SLC1A2: variants seen among roughly 807,000 people sequenced by gnomAD.
SLC1A2 encodes the protein solute carrier family 1 member 2, also known as excitatory amino acid transporter 2.
A neutral mutation model predicts 48.8 loss-of-function variants in SLC1A2; 15 were observed. The observed-to-expected ratio is 0.31, with a 90% CI of 0.21 to 0.47. The LOEUF is 0.47. Among genes scored for constraint, SLC1A2 ranks in the 20% least tolerant of loss-of-function variants. The probability of loss-of-function intolerance (pLI) is 0.99; values close to 1 mark genes in which losing one functional copy is unlikely to be tolerated. For synonymous variants in SLC1A2, 279 were observed against 272.6 expected (o/e 1.02, Z -0.23); for missense variants, 502 against 730.5 (o/e 0.69, Z 3.61).
intron 1 of SLC1A2, among the ~76,000 whole-genome samples, chr11:35,354,494 A>G (rs2135099428): frequency 6.6e-6 from 1 of 152,198 alleles, no homozygotes; most frequent in South Asian, 2.1e-4. Flanking sequence ...AAAATAAATA[A>G]AAAATCCTGA....
Position 35,263,288 on chromosome 11 carries a change from A to G in SLC1A2, c.1653+2239T>C, listed in dbSNP as rs539323626. On this transcript the variant is annotated intron_variant, in intron 10 of 10. Coordinates refer to ENST00000278379, the MANE Select transcript of SLC1A2 (RefSeq NM_004171.4). ...ACTGACAAGCCTGACCAACATGGAG[A>G]AACCCCATCTCTACTAAAAATACAA... Among the ~76,000 whole-genome samples the G allele has an allele frequency of 1.2e-4, 18 of 152,280 alleles. No homozygotes were observed. The East Asian group carries it at 3.1e-3, about 26-fold the overall frequency.
chr11:35,409,315 A>G (rs1855391005), intron 1 of SLC1A2, among the ~76,000 whole-genome samples: 1 of 152,218 alleles, frequency 6.6e-6, no homozygotes, highest in Non-Finnish European at 1.5e-5. Flanking sequence ...ACTTTTCCCC[A>G]GGTAAGGACT....
intron 1 of SLC1A2, among the ~76,000 whole-genome samples, chr11:35,349,641 G>A (rs1433319961): frequency 6.6e-6 from 1 of 152,162 alleles, no homozygotes; most frequent in Admixed American, 6.5e-5. Flanking sequence ...CCATATCAAA[G>A]ATAAGTATCT....
At chr11:35,349,668 TA>T (rs1357517295) in intron 1 of SLC1A2, among the ~76,000 whole-genome samples, 2 of 152,218 alleles carry the variant, frequency 1.3e-5, no homozygotes, top group South Asian at 4.1e-4. Flanking sequence ...CTCAGGTATA[TA>T]AGAAATCAGG....
rs2134561592 is a variant in SLC1A2 at position 35,254,865 on chromosome 11, G to T, written c.*6029C>A. 1 of 451,468 alleles carries T rather than the reference G, an allele frequency of 2.2e-6. No individual in the cohort carries two copies. Among genetic ancestry groups the T allele is most frequent in the East Asian group, 7.0e-5 (1 of 14,358 alleles). 28.0% of individuals were successfully genotyped at this position (451,468 alleles called of 1,614,324 possible). On this transcript the variant is annotated 3_prime_UTR_variant, in exon 11 of 11. Coordinates refer to ENST00000278379, the MANE Select transcript of SLC1A2 (RefSeq NM_004171.4). ...ATCAAAATGAATATTTGGCCTGGAGGTTGGAAAGTGAAGCAAGGCTGGACA... is the reference window on the plus strand; with the variant it reads ...ATCAAAATGAATATTTGGCCTGGAGTTTGGAAAGTGAAGCAAGGCTGGACA...
intron 7 of SLC1A2, among the ~76,000 whole-genome samples, chr11:35,287,521 A>G (rs1850865872): frequency 6.6e-6 from 1 of 152,234 alleles, no homozygotes; most frequent in South Asian, 2.1e-4. Flanking sequence ...CAAGCAATTC[A>G]CTGGGGAACC....
chr11:35,397,293 A>G (rs1425984173), intron 1 of SLC1A2, among the ~76,000 whole-genome samples: 1 of 146,962 alleles, frequency 6.8e-6, no homozygotes, highest in Non-Finnish European at 1.5e-5. Context: ...ACAAGGCTAC[A>G]GTAACCAAAA....
intron 5 of SLC1A2, among the ~76,000 whole-genome samples, chr11:35,304,007 A>C (rs1234962712): frequency 6.6e-6 from 1 of 152,168 alleles, no homozygotes; most frequent in African/African-American, 2.4e-5. Flanking sequence ...TCAACAGTCT[A>C]ACTTCCCTTG....
intron 1 of SLC1A2, chr11:35,380,366 A>C (rs529427619): frequency 5.0e-6 from 2 of 398,620 alleles, no homozygotes; most frequent in East Asian, 7.1e-5. Flanking sequence ...AGCCCTGGTC[A>C]TTGTGAGCAC....
chr11:35,280,704 G>T, intron 9 of SLC1A2, 163 bp downstream of exon 9: 1 of 527,022 alleles, frequency 1.9e-6, no homozygotes. Context: ...TTTCTTCTTT[G>T]GTTCTCAAAT....
Position 35,399,557 on chromosome 11 carries a change from C to T in SLC1A2, c.17+19393G>A, listed in dbSNP as rs142080302. On this transcript the variant is annotated intron_variant, in intron 1 of 10. Transcript: ENST00000278379. ...GGTGGGTCTTGAGACAAGATAGTTA[C>T]GAACATGAGAATCAAACCTGGTAAT... 133 of 968,756 alleles carry T rather than the reference C, an allele frequency of 1.4e-4. 1 individual carries two copies. The East Asian group carries it at 1.0e-2, about 73-fold the overall frequency. The allele number at this position is 968,756 out of a possible 1,614,324, so 60.0% of individuals were successfully genotyped here. A position where few individuals can be genotyped will look rare whatever the true frequency, so the allele number is the denominator to read the frequency against.
At chr11:35,369,520 A>G (rs1853985353) in intron 1 of SLC1A2, among the ~76,000 whole-genome samples, 3 of 152,230 alleles carry the variant, frequency 2.0e-5, no homozygotes, top group Non-Finnish European at 2.9e-5. Context: ...ATAAAAAGCC[A>G]TGGGGCCTTG....
In SLC1A2 at chr11:35,260,271, T is replaced by G. The variant is rs1950373135; in HGVS notation, c.*623A>C. On this transcript the variant is annotated 3_prime_UTR_variant, in exon 11 of 11. Coordinates refer to ENST00000278379, the MANE Select transcript of SLC1A2 (RefSeq NM_004171.4). ...GGCAGAGATGTAACAGGTTCTTTAA[T>G]CAACTGCCTTTAAGAGCATGGCTCC... 1.3e-5 allele frequency: 2 copies of G among 152,408 alleles called. No individual in the cohort carries two copies. The highest frequency in any genetic ancestry group is 2.9e-5 in the Non-Finnish European group (2 of 68,180). The allele number at this position is 152,408 out of a possible 1,614,324, so 9.4% of individuals were successfully genotyped here.
intron 1 of SLC1A2, among the ~76,000 whole-genome samples, chr11:35,335,128 C>T (rs1351975976): frequency 1.3e-5 from 2 of 152,052 alleles, no homozygotes; most frequent in Admixed American, 6.6e-5. Context: ...ATAGACATAG[C>T]CTTCAATTGT....
rs1304036529 is a variant in SLC1A2 at position 35,408,100 on chromosome 11, C to T, written c.17+10850G>A. Among the ~76,000 whole-genome samples the T allele has an allele frequency of 2.6e-5, 4 of 152,188 alleles. No individual in the cohort carries two copies. In the East Asian group the frequency reaches 7.7e-4, roughly 29 times the overall value. Reference sequence around the variant, plus strand: ...TCTGCACTTACCTCGCCCCCATTTGCTTAATCTAGAAGGCTGAGAGATGGC... The same window carrying T: ...TCTGCACTTACCTCGCCCCCATTTGTTTAATCTAGAAGGCTGAGAGATGGC... On this transcript the variant is annotated intron_variant, in intron 1 of 10. Coordinates refer to ENST00000278379, the MANE Select transcript of SLC1A2 (RefSeq NM_004171.4).
intron 1 of SLC1A2, among the ~76,000 whole-genome samples, chr11:35,327,739 G>A (rs1037223462): frequency 2.3e-4 from 35 of 152,308 alleles, no homozygotes; most frequent in African/African-American, 7.5e-4. Context: ...ATGACATCCC[G>A]GAGAGGGAAG....
chr11:35,290,074 G>A (rs1403621687), intron 7 of SLC1A2, among the ~76,000 whole-genome samples: 1 of 152,204 alleles, frequency 6.6e-6, no homozygotes, highest in African/African-American at 2.4e-5. Flanking sequence ...GCAATATCCA[G>A]AGCTGGTAAG....
At chr11:35,268,102 T>G (rs973671394) in intron 9 of SLC1A2, among the ~76,000 whole-genome samples, 2 of 152,224 alleles carry the variant, frequency 1.3e-5, no homozygotes, top group Non-Finnish European at 2.9e-5. Context: ...GATTCCATGT[T>G]TTTTTCTTCT....
chr11:35,268,054 A>G (rs1850152395), intron 9 of SLC1A2, among the ~76,000 whole-genome samples: 1 of 152,212 alleles, frequency 6.6e-6, no homozygotes, highest in Non-Finnish European at 1.5e-5. Context: ...CCTCAAAATC[A>G]TCTTTGGAGA....
Sources: allele counts gnomAD v4.1 joint callset (sites outside exome capture counted in the v4.1 genomes callset), GRCh38; gene constraint gnomAD v4.1.1; transcripts MANE v1.5; gene names NCBI Gene and HGNC (gene_info 2026-07-23, HGNC 2026-07-21).